The following COL22A1 variants were observed in gnomAD, a reference collection of about 807,000 sequenced individuals.
COL22A1 encodes collagen alpha-1(XXII) chain.
Under a neutral mutation model 248.9 loss-of-function variants are expected in COL22A1, and 221 were observed. The ratio of observed to expected loss-of-function variants is 0.89; its 90% CI spans 0.80 to 0.99. The LOEUF (loss-of-function observed/expected upper bound fraction) is 0.99. Among genes scored for constraint, COL22A1 ranks in the 50% least tolerant of loss-of-function variants. The pLI is 0.00. For missense variants in COL22A1, 2,240 were observed against 2,179.0 expected, an observed-to-expected ratio of 1.03 and a Z score of -0.56; for synonymous variants, 891 against 793.4, an observed-to-expected ratio of 1.12 and a Z score of -2.07.
At chr8:138,849,643 C>G (rs543709768) in intron 3 of COL22A1, among the ~76,000 whole-genome samples, 1 of 152,316 alleles carries the variant, frequency 6.6e-6, no homozygotes, top group East Asian at 1.9e-4. Context: ...AGCAGATGGT[C>G]AGTTTGCTAC....
intron 1 of COL22A1, among the ~76,000 whole-genome samples, chr8:138,901,370 T>G (rs866881488): frequency 2.4e-5 from 2 of 84,502 alleles, no homozygotes; most frequent in South Asian, 4.2e-4. Context: ...TTTTTTTTTG[T>G]TTTTTTTTTT....
At chr8:138,722,275 G>A in intron 25 of COL22A1, 186 bp from the exon 26 acceptor site, 1 of 589,804 alleles carries the variant, frequency 1.7e-6, no homozygotes. Context: ...ATTTCCCTTT[G>A]TTACTACTGA....
intron 4 of COL22A1, among the ~76,000 whole-genome samples, chr8:138,834,826 C>G (rs1820305831): frequency 6.6e-6 from 1 of 152,174 alleles, no homozygotes; most frequent in Non-Finnish European, 1.5e-5. Flanking sequence ...TGTATTTATT[C>G]AGTAGATGTT....
At chr8:138,700,522 C>A (rs995945532) in intron 31 of COL22A1, among the ~76,000 whole-genome samples, 10 of 152,200 alleles carry the variant, frequency 6.6e-5, no homozygotes, top group African/African-American at 2.2e-4. Context: ...GTCTCCTTCT[C>A]ACTACTGCCA....
At chr8:138,599,553 T>C (rs1208990373) in intron 60 of COL22A1, among the ~76,000 whole-genome samples, 1 of 151,952 alleles carries the variant, frequency 6.6e-6, no homozygotes, top group African/African-American at 2.4e-5. Flanking sequence ...ACTCCATCAT[T>C]AGCAAAATTT....
At chr8:138,703,243 G>A in intron 31 of COL22A1, 63 bp downstream of exon 31, 3 of 1,386,704 alleles carry the variant, frequency 2.2e-6, no homozygotes, top group Non-Finnish European at 3.1e-6. Context: ...AGTTGCTGGA[G>A]GGGGAGTACG....
intron 3 of COL22A1, among the ~76,000 whole-genome samples, chr8:138,868,364 C>A (rs1391281278): frequency 6.6e-6 from 1 of 152,038 alleles, no homozygotes; most frequent in East Asian, 1.9e-4. Context: ...ACTATAATAG[C>A]CTTAGGCCCT....
chr8:138,690,955 A>T, intron 35 of COL22A1, 81 bp from the exon 36 acceptor site: 1 of 1,158,686 alleles, frequency 8.6e-7, no homozygotes. Context: ...AATCTGCCTC[A>T]TACTCAATTC....
At chr8:138,755,854 AGC>A in intron 18 of COL22A1, 25 bp from the exon 19 acceptor site, 1 of 1,611,348 alleles carries the variant, frequency 6.2e-7, no homozygotes, top group Non-Finnish European at 8.5e-7. Flanking sequence ...CAAACATTTC[AGC>A]ATAGTTACTG....
chr8:138,842,191 T>C (rs561750189), intron 4 of COL22A1, among the ~76,000 whole-genome samples: 7 of 152,302 alleles, frequency 4.6e-5, no homozygotes, highest in East Asian at 1.9e-4. Flanking sequence ...AACTGTAAAA[T>C]GTACAACAGT....
At chr8:138,833,436 T>C (rs1467393727) in intron 4 of COL22A1, among the ~76,000 whole-genome samples, 1 of 152,106 alleles carries the variant, frequency 6.6e-6, no homozygotes, top group Admixed American at 6.5e-5. Context: ...AAATGGAGGG[T>C]GTCCTGGTTG....
At chr8:138,655,970 C>T in intron 44 of COL22A1, 26 bp from the exon 45 acceptor site, 3 of 1,567,664 alleles carry the variant, frequency 1.9e-6, no homozygotes, top group Non-Finnish European at 2.6e-6. Context: ...GAAACAAACA[C>T]ATACGTACAT....
chr8:138,834,964 T>C (rs917533840), intron 4 of COL22A1, among the ~76,000 whole-genome samples: 1 of 152,104 alleles, frequency 6.6e-6, no homozygotes, highest in Admixed American at 6.5e-5. Context: ...ACAGTGCAAG[T>C]GTGCAATACA....
At chr8:138,774,860 G>A (rs1424082444) in intron 16 of COL22A1, among the ~76,000 whole-genome samples, 4 of 152,186 alleles carry the variant, frequency 2.6e-5, no homozygotes, top group African/African-American at 4.8e-5. Flanking sequence ...ACAGCAGCAC[G>A]GAGAAAACGC....
intron 52 of COL22A1, chr8:138,619,875 C>T: frequency 4.1e-6 from 1 of 246,022 alleles, no homozygotes; most frequent in South Asian, 7.6e-5. Flanking sequence ...GCTATTAACA[C>T]TTGCACTTTA....
intron 30 of COL22A1, among the ~76,000 whole-genome samples, chr8:138,706,229 A>G (rs995632979): frequency 6.6e-6 from 1 of 152,120 alleles, no homozygotes; most frequent in Non-Finnish European, 1.5e-5. Flanking sequence ...ACAGATCAAC[A>G]AGACAGAAAG....
At position 138,821,367 on chromosome 8, in the gene COL22A1, G is replaced by A. The variant is rs781297079; in HGVS notation, c.1014C>T (p.Asn338=). The A allele has an allele frequency of 3.7e-5, 60 of 1,613,958 alleles. No homozygotes were observed. Among genetic ancestry groups the A allele is most frequent in the Admixed American group, 1.2e-4 (7 of 59,992 alleles). The part of the protein sequence containing the change: ...LDGENKAVEY[N]AVGAMKDAVR... Reference sequence around the variant, plus strand: ...CAGCATCTTTCATGGCACCCACAGCGTTGTACTCGACTGCCTTGTTTTCAC... The same window carrying A: ...CAGCATCTTTCATGGCACCCACAGCATTGTACTCGACTGCCTTGTTTTCAC... The change falls in exon 7 of 65, where the codon AAC becomes AAT. Residue 338 remains asparagine (N), a synonymous_variant. Transcript: ENST00000303045.
intron 47 of COL22A1, among the ~76,000 whole-genome samples, chr8:138,641,226 G>A (rs528535054): frequency 3.1e-3 from 471 of 152,244 alleles, no homozygotes; most frequent in African/African-American, 0.01. Context: ...GAATCCCAAG[G>A]CTTTTTCAGG....
intron 12 of COL22A1, among the ~76,000 whole-genome samples, chr8:138,785,746 G>A (rs1376153622): frequency 1.3e-5 from 2 of 152,216 alleles, no homozygotes; most frequent in African/African-American, 4.8e-5. Context: ...TAGATGCCCA[G>A]TAGATGTCTG....
Sources: gnomAD v4.1 joint callset for allele counts (sites outside exome capture counted in the v4.1 genomes callset) on GRCh38, gnomAD v4.1.1 for gene constraint, MANE v1.5 for transcripts, NCBI Gene and HGNC (gene_info 2026-07-23, HGNC 2026-07-21) for gene names.